FSTL5: variants seen among roughly 807,000 people sequenced by gnomAD.
FSTL5 encodes the protein follistatin-related protein 5.
FSTL5 carries 62 observed loss-of-function variants against 89.1 expected under a neutral mutation model. The observed-to-expected ratio is 0.70, with a 90% CI of 0.57 to 0.86. FSTL5 has a LOEUF of 0.86. Ranked by LOEUF, FSTL5 falls within the 40% of genes least tolerant of loss-of-function variation. The probability of loss-of-function intolerance (pLI) is 0.00; values close to 1 mark genes in which losing one functional copy is unlikely to be tolerated. For missense variants in FSTL5, 1,057 were observed against 1,001.6 expected (o/e 1.06, Z -0.75); for synonymous variants, 383 against 346.2 (o/e 1.11, Z -1.18).
intron 3 of FSTL5, among the ~76,000 whole-genome samples, chr4:161,974,552 T>G (rs542267847): frequency 1.6e-5 from 2 of 127,214 alleles, no homozygotes; most frequent in Middle Eastern, 3.6e-3. Flanking sequence ...TAGCCATATG[T>G]AGAAAGCTGA....
At chr4:161,820,275 A>G (rs756667014) in intron 4 of FSTL5, among the ~76,000 whole-genome samples, 1 of 152,178 alleles carries the variant, frequency 6.6e-6, no homozygotes, top group Non-Finnish European at 1.5e-5. Context: ...ATTCAAGTTA[A>G]ATACAAATGG....
At chr4:162,138,521 A>C (rs1732602725) in intron 1 of FSTL5, among the ~76,000 whole-genome samples, 1 of 152,034 alleles carries the variant, frequency 6.6e-6, no homozygotes, top group Non-Finnish European at 1.5e-5. Flanking sequence ...ATGTAAAAAG[A>C]AAAAATATCA....
At chr4:161,470,332 C>A (rs190309663) in intron 13 of FSTL5, among the ~76,000 whole-genome samples, 7 of 152,210 alleles carry the variant, frequency 4.6e-5, no homozygotes, top group Admixed American at 3.9e-4. Flanking sequence ...GTTTTCCCAG[C>A]ATCACTTGTA....
intron 4 of FSTL5, among the ~76,000 whole-genome samples, chr4:161,854,647 A>G (rs1223758540): frequency 1.3e-5 from 2 of 152,174 alleles, no homozygotes; most frequent in Non-Finnish European, 2.9e-5. Flanking sequence ...AATGTCAGGA[A>G]TAAATAAGTT....
intron 7 of FSTL5, among the ~76,000 whole-genome samples, chr4:161,616,071 T>C (rs997932394): frequency 3.3e-5 from 5 of 151,894 alleles, no homozygotes; most frequent in Non-Finnish European, 7.4e-5. Context: ...AGTGTTTTTT[T>C]TTTCTTTTTC....
chr4:161,660,279 T>G lies in FSTL5; in HGVS notation c.728-3785A>C, dbSNP rs974355606. Among the ~76,000 whole-genome samples the G allele has an allele frequency of 4.6e-5, 7 of 152,108 alleles. No homozygotes were observed. The East Asian group carries it at 1.3e-3, about 29-fold the overall frequency. On this transcript the variant is annotated intron_variant, in intron 6 of 15. Coordinates refer to ENST00000306100, the MANE Select transcript of FSTL5 (RefSeq NM_020116.5). ...GCTTTCTCATTTTTACAACTTGGCT[T>G]AGAGAAAAACTAAGAGCTTGCTTTA...
At chr4:161,548,976 T>A (rs772794270) in intron 8 of FSTL5, among the ~76,000 whole-genome samples, 11 of 151,962 alleles carry the variant, frequency 7.2e-5, no homozygotes, top group South Asian at 6.2e-4. Flanking sequence ...TCTATTCACA[T>A]TGAAAGCAAA....
At chr4:161,389,914 C>A (rs1730764451) in intron 15 of FSTL5, among the ~76,000 whole-genome samples, 1 of 152,012 alleles carries the variant, frequency 6.6e-6, no homozygotes, top group Admixed American at 6.6e-5. Flanking sequence ...TTTTTCTGTG[C>A]AGGTAATATT....
At chr4:162,115,994 G>A (rs1189648547) in intron 1 of FSTL5, among the ~76,000 whole-genome samples, 1 of 152,070 alleles carries the variant, frequency 6.6e-6, no homozygotes, top group Non-Finnish European at 1.5e-5. Flanking sequence ...GAAAAGTGTC[G>A]TAGCATGCCT....
chr4:161,888,688 T>C (rs1052880845), intron 4 of FSTL5, among the ~76,000 whole-genome samples: 4 of 152,108 alleles, frequency 2.6e-5, no homozygotes, highest in African/African-American at 9.7e-5. Flanking sequence ...TTAATATATA[T>C]TAGATTTCAG....
At chr4:161,938,057 T>G (rs1384630393) in intron 3 of FSTL5, among the ~76,000 whole-genome samples, 1 of 152,116 alleles carries the variant, frequency 6.6e-6, no homozygotes, top group East Asian at 1.9e-4. Context: ...ATACTCTTCC[T>G]TACATCACTT....
At chr4:161,725,663 C>T (rs901028274) in intron 6 of FSTL5, among the ~76,000 whole-genome samples, 1 of 152,012 alleles carries the variant, frequency 6.6e-6, no homozygotes, top group African/African-American at 2.4e-5. Flanking sequence ...GTCTAAAAAA[C>T]ATAAAAGAGT....
intron 1 of FSTL5, among the ~76,000 whole-genome samples, chr4:162,130,040 T>A (rs958986): frequency 6.6e-6 from 1 of 152,216 alleles, no homozygotes; most frequent in South Asian, 2.1e-4. Flanking sequence ...AAAGTCCACA[T>A]AGATATTGAG....
chr4:161,871,312 T>C (rs1056916006), intron 4 of FSTL5, among the ~76,000 whole-genome samples: 1 of 152,110 alleles, frequency 6.6e-6, no homozygotes, highest in Non-Finnish European at 1.5e-5. Flanking sequence ...AACTGTTCCA[T>C]AGACTTATTG....
At chr4:161,785,909 T>C (rs531908009) in intron 4 of FSTL5, among the ~76,000 whole-genome samples, 32 of 152,240 alleles carry the variant, frequency 2.1e-4, no homozygotes, top group Admixed American at 1.6e-3. Context: ...AATATCTCAG[T>C]CATGCTTTGT....
intron 6 of FSTL5, among the ~76,000 whole-genome samples, chr4:161,712,796 T>G (rs1368721863): frequency 2.0e-5 from 3 of 150,082 alleles, no homozygotes; most frequent in Non-Finnish European, 2.9e-5. Flanking sequence ...TCTTTCTGAG[T>G]TCACTGGAGA....
chr4:161,600,510 A>T (rs1034071350), intron 7 of FSTL5, among the ~76,000 whole-genome samples: 1 of 152,118 alleles, frequency 6.6e-6, no homozygotes, highest in African/African-American at 2.4e-5. Flanking sequence ...ATAAAAACTG[A>T]GTTAGTAAAA....
chr4:161,925,678 CA>C (rs1325249569), intron 3 of FSTL5, among the ~76,000 whole-genome samples: 1 of 151,768 alleles, frequency 6.6e-6, no homozygotes, highest in Non-Finnish European at 1.5e-5. Flanking sequence ...ATCTGCTTAA[CA>C]AATGTATTCA....
intron 10 of FSTL5, among the ~76,000 whole-genome samples, chr4:161,531,239 G>T (rs1731403251): frequency 6.6e-6 from 1 of 152,116 alleles, no homozygotes; most frequent in Non-Finnish European, 1.5e-5. Context: ...CAAAGATTAG[G>T]GTAGAAGCAA....
Sources: gnomAD v4.1 joint callset for allele counts (sites outside exome capture counted in the v4.1 genomes callset) on GRCh38, gnomAD v4.1.1 for gene constraint, MANE v1.5 for transcripts, NCBI Gene and HGNC (gene_info 2026-07-23, HGNC 2026-07-21) for gene names.